Variants in FGF14 observed in about 807,000 individuals in gnomAD.
FGF14 encodes fibroblast growth factor 14, also known as fibroblast growth factor homologous factor 4.
A neutral mutation model predicts 25.5 loss-of-function variants in FGF14; 5 were observed. The observed-to-expected ratio is 0.20, with a 90% CI of 0.10 to 0.41. The LOEUF (loss-of-function observed/expected upper bound fraction) is 0.41, where lower values mean the gene tolerates loss of function less well. Ranked by LOEUF, FGF14 falls within the 10% of genes least tolerant of loss-of-function variation. The pLI, the probability that FGF14 is intolerant of heterozygous loss-of-function variation, is 1.00. For synonymous variants in FGF14, 138 were observed against 118.3 expected (o/e 1.17, Z -1.08); for missense variants, 222 against 320.1 (o/e 0.69, Z 2.34).
intron 1 of FGF14, among the ~76,000 whole-genome samples, chr13:102,145,516 T>A (rs2046819833): frequency 6.6e-6 from 1 of 152,194 alleles, no homozygotes; most frequent in Non-Finnish European, 1.5e-5. Flanking sequence ...TAAGAACATT[T>A]TAGCTGGGTT....
At chr13:102,348,171 C>A (rs1355530924) in intron 1 of FGF14, among the ~76,000 whole-genome samples, 1 of 152,102 alleles carries the variant, frequency 6.6e-6, no homozygotes, top group Admixed American at 6.5e-5. Flanking sequence ...TCAGTTACAG[C>A]TCAGAAAAGG....
chr13:102,190,163 C>T (rs1481283364), intron 1 of FGF14, among the ~76,000 whole-genome samples: 1 of 152,204 alleles, frequency 6.6e-6, no homozygotes, highest in Non-Finnish European at 1.5e-5. Flanking sequence ...GAAACTTCCT[C>T]TAGTTGTTTC....
At chr13:102,304,992 A>G (rs2055292909) in intron 1 of FGF14, among the ~76,000 whole-genome samples, 1 of 152,204 alleles carries the variant, frequency 6.6e-6, no homozygotes, top group African/African-American at 2.4e-5. Flanking sequence ...TTTTGGGGAA[A>G]TTTATTATGC....
intron 1 of FGF14, among the ~76,000 whole-genome samples, chr13:101,976,436 G>T (rs982927706): frequency 2.0e-5 from 3 of 152,018 alleles, no homozygotes; most frequent in Non-Finnish European, 4.4e-5. Flanking sequence ...TGGGCTGTGT[G>T]CTCCTATTGG....
At chr13:101,899,579 T>C (rs2031251497) in intron 1 of FGF14, among the ~76,000 whole-genome samples, 2 of 151,838 alleles carry the variant, frequency 1.3e-5, no homozygotes, top group Non-Finnish European at 2.9e-5. Flanking sequence ...AAAAAATGTA[T>C]AAAATCTAAA....
chr13:101,866,451 A>G (rs187097145), intron 3 of FGF14, among the ~76,000 whole-genome samples: 1 of 152,242 alleles, frequency 6.6e-6, no homozygotes, highest in Admixed American at 6.6e-5. Context: ...AACTCTCTGT[A>G]TATCAGTGTC....
upstream of FGF14, among the ~76,000 whole-genome samples, chr13:101,917,621 G>GC (rs918247351): frequency 9.3e-4 from 141 of 151,660 alleles, no homozygotes; most frequent in South Asian, 1.7e-3. Context: ...CAGCACCAAC[G>GC]CCCCCCCGTC....
intron 1 of FGF14, chr13:102,393,618 G>T (rs1177194215): frequency 6.6e-6 from 1 of 152,188 alleles, no homozygotes. Flanking sequence ...CTAAGGAAAA[G>T]GTATCTGGGG....
At chr13:101,848,487 T>C (rs1029808123) in intron 3 of FGF14, among the ~76,000 whole-genome samples, 3 of 151,980 alleles carry the variant, frequency 2.0e-5, no homozygotes, top group Non-Finnish European at 4.4e-5. Flanking sequence ...GCAAAAGAAA[T>C]GAGTGACTGC....
intron 3 of FGF14, among the ~76,000 whole-genome samples, chr13:101,854,878 T>C (rs1336916202): frequency 6.6e-6 from 1 of 152,044 alleles, no homozygotes; most frequent in Non-Finnish European, 1.5e-5. Flanking sequence ...AAGGATGGAT[T>C]TTATTTTCAT....
chr13:101,824,696 T>C (rs1327516706), intron 3 of FGF14, among the ~76,000 whole-genome samples: 1 of 152,172 alleles, frequency 6.6e-6, no homozygotes, highest in Admixed American at 6.5e-5. Context: ...ACCTCCTGAA[T>C]AGTCTTAGGA....
intron 1 of FGF14, among the ~76,000 whole-genome samples, chr13:102,264,719 T>TG (rs1199026092): frequency 1.3e-5 from 2 of 151,678 alleles, no homozygotes; most frequent in Non-Finnish European, 2.9e-5. Context: ...AAGAGGGGAG[T>TG]GGTTATTTAA....
chr13:102,077,233 C>T (rs766905693), intron 1 of FGF14, among the ~76,000 whole-genome samples: 29 of 151,862 alleles, frequency 1.9e-4, no homozygotes, highest in Non-Finnish European at 3.4e-4. Context: ...GACATTGCTC[C>T]GGGCAATAAC....
intron 2 of FGF14, among the ~76,000 whole-genome samples, chr13:101,871,818 C>T (rs948407381): frequency 6.6e-6 from 1 of 151,938 alleles, no homozygotes; most frequent in Non-Finnish European, 1.5e-5. Flanking sequence ...AAGATCTTTC[C>T]ATTATTATGG....
At chr13:102,096,430 T>TA (rs10719532) in intron 1 of FGF14, among the ~76,000 whole-genome samples, 1,768 of 149,824 alleles carry the variant, frequency 0.012, 15 homozygotes, top group African/African-American at 0.019. Flanking sequence ...ACTCTTTAAT[T>TA]AAAAAAAAAA....
chr13:101,732,371 ATAACT>A (rs941839498), intron 3 of FGF14, among the ~76,000 whole-genome samples: 4 of 152,254 alleles, frequency 2.6e-5, no homozygotes, highest in African/African-American at 7.2e-5. Context: ...CAATTCCAAA[ATAACT>A]TAAAAAGAGG....
intron 1 of FGF14, among the ~76,000 whole-genome samples, chr13:102,226,999 T>C (rs1366737689): frequency 6.6e-6 from 1 of 152,084 alleles, no homozygotes; most frequent in Non-Finnish European, 1.5e-5. Context: ...TCCCCCAATA[T>C]ACATTTAAGA....
chr13:102,019,026 T>A (rs1268328455), intron 1 of FGF14, among the ~76,000 whole-genome samples: 1 of 152,162 alleles, frequency 6.6e-6, no homozygotes, highest in Admixed American at 6.6e-5. Flanking sequence ...CTATCAGTCC[T>A]CTATAAATAC....
chr13:102,046,695 A>G (rs186965201), intron 1 of FGF14, among the ~76,000 whole-genome samples: 48 of 152,334 alleles, frequency 3.2e-4, no homozygotes, highest in Non-Finnish European at 6.3e-4. Context: ...TATTGAAATT[A>G]CTTTATCACA....
Sources: allele counts gnomAD v4.1 joint callset (sites outside exome capture counted in the v4.1 genomes callset), GRCh38; gene constraint gnomAD v4.1.1; transcripts MANE v1.5; gene names NCBI Gene and HGNC (gene_info 2026-07-23, HGNC 2026-07-21).